The following TRHDE variants were observed in gnomAD, a reference collection of about 807,000 sequenced individuals.
TRHDE encodes thyrotropin-releasing hormone-degrading ectoenzyme.
TRHDE carries 72 observed loss-of-function variants against 125.7 expected under a neutral mutation model. The ratio of observed to expected loss-of-function variants is 0.57; its 90% CI spans 0.47 to 0.70. The LOEUF is 0.70. TRHDE is among the 30% of genes least tolerant of loss of function. The pLI is 0.00. For missense variants in TRHDE, 1,110 were observed against 1,327.1 expected (o/e 0.84, Z 2.54); for synonymous variants, 509 against 509.1 (o/e 1.00, Z 0.00).
intron 15 of TRHDE, among the ~76,000 whole-genome samples, chr12:72,639,655 G>A (rs1432191499): frequency 1.3e-5 from 2 of 151,772 alleles, no homozygotes; most frequent in African/African-American, 2.4e-5. Flanking sequence ...GGTCTTTGAT[G>A]ATGGTGATGT....
intron 3 of TRHDE, among the ~76,000 whole-genome samples, chr12:72,456,477 T>C (rs1427865558): frequency 1.3e-5 from 2 of 152,122 alleles, no homozygotes; most frequent in Non-Finnish European, 2.9e-5. Flanking sequence ...TTGCATAGTA[T>C]ATTAGGAGGA....
intron 6 of TRHDE, among the ~76,000 whole-genome samples, chr12:72,512,838 C>T (rs1483112555): frequency 6.6e-6 from 1 of 151,106 alleles, no homozygotes; most frequent in Non-Finnish European, 1.5e-5. Context: ...AATAAAAATT[C>T]CTATTTACAG....
chr12:72,316,485 A>G (rs554982033), intron 2 of TRHDE, among the ~76,000 whole-genome samples: 8 of 152,272 alleles, frequency 5.3e-5, no homozygotes, highest in Non-Finnish European at 8.8e-5. Flanking sequence ...CACCACCCAG[A>G]TCAGGAAATG....
intron 2 of TRHDE, among the ~76,000 whole-genome samples, chr12:72,376,002 A>T (rs1051252223): frequency 5.9e-5 from 9 of 152,180 alleles, no homozygotes; most frequent in African/African-American, 2.2e-4. Context: ...CACACAGGAC[A>T]TCTTCTCCAA....
At chr12:72,235,220 G>T (rs979900479) in intron 2 of TRHDE, among the ~76,000 whole-genome samples, 1 of 152,102 alleles carries the variant, frequency 6.6e-6, no homozygotes, top group Non-Finnish European at 1.5e-5. Context: ...GGGTCTTCAG[G>T]GGACACAGTT....
intron 2 of TRHDE, among the ~76,000 whole-genome samples, chr12:72,239,231 A>AT (rs139030112): frequency 0.12 from 18,014 of 148,206 alleles, 1,097 homozygotes; most frequent in Middle Eastern, 0.15. Flanking sequence ...CCACTTTTTG[A>AT]TTTTTTTTTT....
At chr12:72,653,253 G>C in intron 17 of TRHDE, 97 bp downstream of exon 17, 1 of 897,850 alleles carries the variant, frequency 1.1e-6, no homozygotes, top group South Asian at 2.8e-5. Context: ...CCATGCAATA[G>C]GTTTAGATAT....
At chr12:72,607,096 AT>A (rs1392359454) in intron 12 of TRHDE, among the ~76,000 whole-genome samples, 1 of 151,976 alleles carries the variant, frequency 6.6e-6, no homozygotes, top group African/African-American at 2.4e-5. Context: ...AAAACTATTT[AT>A]TTTTCATTTT....
intron 9 of TRHDE, among the ~76,000 whole-genome samples, chr12:72,568,150 TAAG>T (rs1565793221): frequency 6.6e-6 from 1 of 152,026 alleles, no homozygotes; most frequent in Non-Finnish European, 1.5e-5. Context: ...AGATAATAAA[TAAG>T]GAGAATATTA....
intron 3 of TRHDE, among the ~76,000 whole-genome samples, chr12:72,400,813 T>A (rs1873011580): frequency 6.6e-6 from 1 of 152,156 alleles, no homozygotes; most frequent in South Asian, 2.1e-4. Context: ...TTGAATAATG[T>A]TCTCTTGTGT....
intron 2 of TRHDE, among the ~76,000 whole-genome samples, chr12:72,265,360 G>A (rs1019637644): frequency 6.6e-6 from 1 of 151,858 alleles, no homozygotes; most frequent in African/African-American, 2.4e-5. Context: ...ATAGGGATGT[G>A]AATGGGACAA....
rs1873059515 is a variant in TRHDE at position 72,621,716 on chromosome 12, A to G, written c.2640A>G (p.Thr880=). 8 of 1,605,046 alleles carry G rather than the reference A, an allele frequency of 5.0e-6. No homozygotes were observed. The highest frequency in any genetic ancestry group is 6.8e-6 in the Non-Finnish European group (8 of 1,177,228). ...GNKHCHQQAS[T]LISDWISSNR... Reference sequence around the variant, plus strand: ...AGCACTGTCACCAACAGGCATCAACACTTATTTCAGATTGGATTTCCAGCA... The same window carrying G: ...AGCACTGTCACCAACAGGCATCAACGCTTATTTCAGATTGGATTTCCAGCA... The change falls in exon 15 of 19, where the codon ACA becomes ACG. Residue 880 remains threonine (T), a synonymous_variant. Transcript: ENST00000261180.
chr12:72,310,288 T>C (rs1291450060), intron 2 of TRHDE, among the ~76,000 whole-genome samples: 2 of 152,258 alleles, frequency 1.3e-5, no homozygotes, highest in Non-Finnish European at 1.5e-5. Context: ...AATAGCTAAG[T>C]CTAGCTTGTA....
intron 1 of TRHDE, among the ~76,000 whole-genome samples, chr12:72,103,863 G>A (rs968304674): frequency 6.6e-6 from 1 of 152,068 alleles, no homozygotes; most frequent in Non-Finnish European, 1.5e-5. Flanking sequence ...ATACTGAGCC[G>A]CTCCTGTGTC....
At chr12:72,116,950 C>T (rs1012015038) in intron 2 of TRHDE, among the ~76,000 whole-genome samples, 1 of 151,946 alleles carries the variant, frequency 6.6e-6, no homozygotes, top group African/African-American at 2.4e-5. Context: ...ATTAGACTTT[C>T]CTGCAGAGTT....
chr12:72,119,586 C>T lies in TRHDE; in HGVS notation n.279+13834C>T, dbSNP rs186742569. On this transcript the variant is annotated intron_variant and non_coding_transcript_variant, in intron 2 of 4. Coordinates refer to the TRHDE transcript ENST00000548156. Reference sequence around the variant, plus strand: ...ATAGTGCCGATTAAGTCCAACGTTTCTTCATTTTCTATTTGGACAATTTGC... The same window carrying T: ...ATAGTGCCGATTAAGTCCAACGTTTTTTCATTTTCTATTTGGACAATTTGC... Among the ~76,000 whole-genome samples the T allele has an allele frequency of 1.4e-3, 210 of 152,240 alleles. 1 individual carries two copies. Among genetic ancestry groups the T allele is most frequent in the African/African-American group, 4.6e-3 (192 of 41,560 alleles).
intron 6 of TRHDE, among the ~76,000 whole-genome samples, chr12:72,500,694 G>T (rs1878112420): frequency 6.6e-6 from 1 of 151,936 alleles, no homozygotes; most frequent in African/African-American, 2.4e-5. Flanking sequence ...ACCCAGCCTG[G>T]AATACTATTC....
chr12:72,517,141 G>A (rs1428430993), intron 6 of TRHDE, among the ~76,000 whole-genome samples: 1 of 151,618 alleles, frequency 6.6e-6, no homozygotes, highest in Admixed American at 6.6e-5. Context: ...TTTGGTATCA[G>A]GATGATGCTG....
chr12:72,552,599 C>A (rs1393993744), intron 7 of TRHDE, among the ~76,000 whole-genome samples: 3 of 151,934 alleles, frequency 2.0e-5, no homozygotes, highest in East Asian at 1.9e-4. Flanking sequence ...GTTTCAAGAA[C>A]AAGAAAGTGG....
Sources: gnomAD v4.1 joint callset for allele counts (sites outside exome capture counted in the v4.1 genomes callset) on GRCh38, gnomAD v4.1.1 for gene constraint, MANE v1.5 for transcripts, NCBI Gene and HGNC (gene_info 2026-07-23, HGNC 2026-07-21) for gene names.